EDIL3: variants seen among roughly 807,000 people sequenced by gnomAD.
EDIL3 encodes EGF like and discoidin domains 3.
Under a neutral mutation model 67.4 loss-of-function variants are expected in EDIL3, and 37 were observed. That is an observed-to-expected ratio of 0.55 (90% CI 0.42 to 0.72). EDIL3 has a LOEUF of 0.72. Among genes scored for constraint, EDIL3 ranks in the 30% least tolerant of loss-of-function variants. The pLI, the probability that EDIL3 is intolerant of heterozygous loss-of-function variation, is 0.00. For synonymous variants in EDIL3, 195 were observed against 196.3 expected, an observed-to-expected ratio of 0.99 and a Z score of 0.05; for missense variants, 527 against 586.3, an observed-to-expected ratio of 0.90 and a Z score of 1.04.
At chr5:84,231,556 C>A (rs1744578355) in intron 2 of EDIL3, among the ~76,000 whole-genome samples, 1 of 151,276 alleles carries the variant, frequency 6.6e-6, no homozygotes, top group African/African-American at 2.4e-5. Context: ...GGTCTCCACT[C>A]TTTTCCGTTA....
chr5:84,368,624 A>C (rs1445640238), intron 1 of EDIL3, among the ~76,000 whole-genome samples: 1 of 152,202 alleles, frequency 6.6e-6, no homozygotes, highest in Non-Finnish European at 1.5e-5. Flanking sequence ...AAAAATAAGC[A>C]AATTGGACTT....
chr5:84,271,581 T>C (rs942010810), intron 1 of EDIL3, among the ~76,000 whole-genome samples: 2 of 152,148 alleles, frequency 1.3e-5, no homozygotes, highest in South Asian at 2.1e-4. Context: ...GTCACTGATA[T>C]GTTGTAAGCT....
chr5:84,138,190 C>T (rs755557330), intron 4 of EDIL3, among the ~76,000 whole-genome samples: 1 of 152,172 alleles, frequency 6.6e-6, no homozygotes, highest in Non-Finnish European at 1.5e-5. Context: ...GAGCACACAC[C>T]ACTCCCCATC....
intron 1 of EDIL3, among the ~76,000 whole-genome samples, chr5:84,326,275 CTG>C (rs1406573274): frequency 6.6e-6 from 1 of 151,932 alleles, no homozygotes; most frequent in East Asian, 1.9e-4. Flanking sequence ...ATTACCTACA[CTG>C]TGGTATTCTG....
intron 6 of EDIL3, among the ~76,000 whole-genome samples, chr5:84,074,350 G>T (rs1580313615): frequency 6.6e-6 from 1 of 151,976 alleles, no homozygotes; most frequent in Non-Finnish European, 1.5e-5. Flanking sequence ...TGACAAATGG[G>T]ATCTAATAAA....
At chr5:84,370,241 T>C (rs1251747408) in intron 1 of EDIL3, among the ~76,000 whole-genome samples, 2 of 152,290 alleles carry the variant, frequency 1.3e-5, no homozygotes, top group Non-Finnish European at 2.9e-5. Context: ...GGGGAATAAA[T>C]AGCAGTTTGC....
In EDIL3 at chr5:84,106,636, T is replaced by C; in HGVS notation, c.651+13A>G. 6.3e-7 allele frequency: 1 copy of C among 1,591,424 alleles called. No homozygotes were observed. The highest frequency in any genetic ancestry group is 8.5e-7 in the Non-Finnish European group (1 of 1,171,606). ...GACTTATAACATTAACCTTGTCCCA[T>C]CCCATCTGTTACCTGAATCCACGGC... is the stretch of plus-strand genomic sequence containing the variant. On this transcript the variant is annotated intron_variant, in intron 6 of 10. Coordinates refer to ENST00000296591, the MANE Select transcript of EDIL3 (RefSeq NM_005711.5).
Position 83,963,363 on chromosome 5 carries a change from TA to T in EDIL3, c.1138-4del, listed in dbSNP as rs753299184. On this transcript the variant is annotated splice_polypyrimidine_tract_variant and splice_region_variant and intron_variant, in intron 9 of 10. Coordinates refer to ENST00000296591, the MANE Select transcript of EDIL3 (RefSeq NM_005711.5). ...TTGGTTGGAACAAGAAGATCCACCT[TA>T]AAAAAAAGAAAAATACAGGCTTTAA... 16 of 1,585,256 alleles carry T rather than the reference TA, an allele frequency of 1.0e-5. No individual in the cohort carries two copies. Among genetic ancestry groups the T allele is most frequent in the Admixed American group, 9.4e-5 (5 of 53,002 alleles).
chr5:84,071,505 C>T (rs1228735017), intron 6 of EDIL3, among the ~76,000 whole-genome samples: 1 of 152,076 alleles, frequency 6.6e-6, no homozygotes, highest in African/African-American at 2.4e-5. Flanking sequence ...TAAATAAGAA[C>T]CAATTGGTGA....
At chr5:84,302,957 T>C (rs1034279656) in intron 1 of EDIL3, among the ~76,000 whole-genome samples, 5 of 134,152 alleles carry the variant, frequency 3.7e-5, no homozygotes, top group African/African-American at 5.2e-5. Context: ...AAGTTCCTAA[T>C]TGAATCAAAA....
At chr5:83,958,690 A>G (rs1744556355) in intron 10 of EDIL3, among the ~76,000 whole-genome samples, 1 of 151,450 alleles carries the variant, frequency 6.6e-6, no homozygotes, top group Non-Finnish European at 1.5e-5. Flanking sequence ...TTTCCATATA[A>G]GTACTCTTCC....
chr5:83,991,012 G>C (rs1745141873), intron 9 of EDIL3, among the ~76,000 whole-genome samples: 1 of 152,168 alleles, frequency 6.6e-6, no homozygotes, highest in African/African-American at 2.4e-5. Flanking sequence ...AAATGTAAAG[G>C]ACTGTATTTG....
In EDIL3 at chr5:84,141,922, T is replaced by C. The variant is rs1351239228; in HGVS notation, c.356-4568A>G. Among the ~76,000 whole-genome samples, 20 of 87,726 alleles carry C rather than the reference T, an allele frequency of 2.3e-4. 1 individual carries two copies. The highest frequency in any genetic ancestry group is 8.8e-4 in the East Asian group (1 of 1,136). 57.6% of individuals were successfully genotyped at this position (87,726 alleles called of 152,430 possible). ...CAAACTACTCATATATATATATATATACACATATATATATATATATATATA... is the reference window on the plus strand; with the variant it reads ...CAAACTACTCATATATATATATATACACACATATATATATATATATATATA... On this transcript the variant is annotated intron_variant, in intron 4 of 10. Transcript: ENST00000296591.
intron 3 of EDIL3, among the ~76,000 whole-genome samples, chr5:84,216,878 A>G (rs1744236100): frequency 6.6e-6 from 1 of 152,166 alleles, no homozygotes; most frequent in South Asian, 2.1e-4. Flanking sequence ...GCATACCTCT[A>G]AGGTAGGTGC....
At chr5:84,128,635 G>A (rs753280320) in intron 5 of EDIL3, among the ~76,000 whole-genome samples, 1 of 152,012 alleles carries the variant, frequency 6.6e-6, no homozygotes, top group Non-Finnish European at 1.5e-5. Flanking sequence ...GGTGAGGGTT[G>A]GAGTGATAGC....
intron 6 of EDIL3, among the ~76,000 whole-genome samples, chr5:84,094,869 G>C (rs1026394096): frequency 1.2e-4 from 18 of 152,280 alleles, no homozygotes; most frequent in African/African-American, 3.8e-4. Flanking sequence ...AAATCAAATA[G>C]CCATTTAGAA....
intron 9 of EDIL3, among the ~76,000 whole-genome samples, chr5:83,971,133 A>T (rs1744784354): frequency 6.6e-6 from 1 of 151,678 alleles, no homozygotes; most frequent in African/African-American, 2.4e-5. Flanking sequence ...TTGGTAATGC[A>T]ATTTTAACAT....
Position 84,234,521 on chromosome 5 carries a change from C to T in EDIL3, c.197-4637G>A, listed in dbSNP as rs568434409. Among the ~76,000 whole-genome samples the T allele has an allele frequency of 1.2e-3, 189 of 152,280 alleles. 1 individual carries two copies. Among genetic ancestry groups the T allele is most frequent in the Admixed American group, 7.2e-4 (11 of 15,290 alleles). ...TTATTCATTAGACAGATTCCAGTCT[C>T]TTTGTGTGGTTTCAACAATTCTTAC... On this transcript the variant is annotated intron_variant, in intron 2 of 10. Coordinates refer to ENST00000296591, the MANE Select transcript of EDIL3 (RefSeq NM_005711.5).
At position 84,074,079 on chromosome 5, in the gene EDIL3, G is replaced by A. The variant is rs559010589; in HGVS notation, c.652-7473C>T. The stretch of plus-strand genomic sequence containing the variant: ...ACTATCTGATCTTTGACAAACCTGA[G>A]AAAAACAAACAATGGGGAAAGGATT... On this transcript the variant is annotated intron_variant, in intron 6 of 10. Transcript: ENST00000296591. 1.1e-4 allele frequency among the ~76,000 whole-genome samples: 16 copies of A among 152,036 alleles called. No homozygotes were observed. The East Asian group carries it at 2.1e-3, about 20-fold the overall frequency.
Sources: allele counts gnomAD v4.1 joint callset (sites outside exome capture counted in the v4.1 genomes callset), GRCh38; gene constraint gnomAD v4.1.1; transcripts MANE v1.5; gene names NCBI Gene and HGNC (gene_info 2026-07-23, HGNC 2026-07-21).